PTPRZ1: variants seen among roughly 807,000 people sequenced by gnomAD.
PTPRZ1 encodes receptor-type tyrosine-protein phosphatase zeta.
In PTPRZ1, 82 loss-of-function variants were observed where a neutral mutation model predicts 214.1. The ratio of observed to expected loss-of-function variants is 0.38; its 90% CI spans 0.32 to 0.46. PTPRZ1 has a LOEUF of 0.46. Among genes scored for constraint, PTPRZ1 ranks in the 20% least tolerant of loss-of-function variants. PTPRZ1 has a pLI of 1.00. For missense variants in PTPRZ1, 2,603 were observed against 2,748.7 expected, an observed-to-expected ratio of 0.95 and a Z score of 1.19; for synonymous variants, 945 against 987.9, an observed-to-expected ratio of 0.96 and a Z score of 0.81.
intron 6 of PTPRZ1, among the ~76,000 whole-genome samples, chr7:121,980,716 A>G (rs1359154560): frequency 1.3e-5 from 2 of 152,366 alleles, no homozygotes; most frequent in Non-Finnish European, 2.9e-5. Context: ...ACATTTACTA[A>G]TTTAACTTTT....
rs372818348 is a variant in PTPRZ1 at position 122,061,064 on chromosome 7, A to G, written c.6808-16A>G. 2.8e-5 allele frequency: 44 copies of G among 1,571,596 alleles called. No homozygotes were observed. The highest frequency in any genetic ancestry group is 3.3e-5 in the Non-Finnish European group (38 of 1,158,866). On this transcript the variant is annotated splice_polypyrimidine_tract_variant and intron_variant, in intron 29 of 29. Coordinates refer to ENST00000393386, the MANE Select transcript of PTPRZ1 (RefSeq NM_002851.3). The stretch of plus-strand genomic sequence containing the variant: ...CTGAGCTTCGCATTTATTACCTCCC[A>G]TCTTCTGTTCTCTAGGAGCAGTATC...
intron 8 of PTPRZ1, among the ~76,000 whole-genome samples, chr7:121,988,788 G>A (rs1196505): frequency 0.78 from 119,208 of 152,124 alleles, 47,380 homozygotes; most frequent in South Asian, 0.9. Context: ...AACACAGAAG[G>A]AATGACTGGC....
chr7:121,886,318 C>T (rs1794395548), intron 1 of PTPRZ1, among the ~76,000 whole-genome samples: 1 of 152,052 alleles, frequency 6.6e-6, no homozygotes, highest in African/African-American at 2.4e-5. Flanking sequence ...GATTAATCCT[C>T]ACAGGTTCTT....
At chr7:121,889,685 ACTAT>A (rs1262043286) in intron 1 of PTPRZ1, among the ~76,000 whole-genome samples, 1 of 151,962 alleles carries the variant, frequency 6.6e-6, no homozygotes, top group Non-Finnish European at 1.5e-5. Context: ...TTCTATAGTC[ACTAT>A]CTATTTTCTC....
chr7:121,906,632 G>A (rs1405193213), intron 1 of PTPRZ1, among the ~76,000 whole-genome samples: 1 of 152,120 alleles, frequency 6.6e-6, no homozygotes, highest in Non-Finnish European at 1.5e-5. Flanking sequence ...AATAAGATTT[G>A]TTTGAAGGGG....
chr7:121,926,265 A>G (rs553306177), intron 1 of PTPRZ1, among the ~76,000 whole-genome samples: 3 of 149,512 alleles, frequency 2.0e-5, no homozygotes, highest in African/African-American at 7.5e-5. Context: ...AGATCATGCC[A>G]TTGCACTCCA....
Position 122,034,231 on chromosome 7 carries a change from C to G in PTPRZ1, c.5188-51C>G, listed in dbSNP as rs375064806. 3 of 1,578,304 alleles carry G rather than the reference C, an allele frequency of 1.9e-6. No individual in the cohort carries two copies. The East Asian group carries it at 6.7e-5, about 35-fold the overall frequency. ...GTCTTCGTTATTATATTTTAAGGCA[C>G]GTTGTTTGAAAGAATGTGTGTTAAA... On this transcript the variant is annotated intron_variant, in intron 16 of 29. Coordinates refer to ENST00000393386, the MANE Select transcript of PTPRZ1 (RefSeq NM_002851.3).
intron 2 of PTPRZ1, among the ~76,000 whole-genome samples, chr7:121,940,995 C>A (rs985432293): frequency 6.6e-6 from 1 of 152,172 alleles, no homozygotes; most frequent in African/African-American, 2.4e-5. Flanking sequence ...TCAAGTGAAG[C>A]CTTCTTTCCT....
At chr7:121,874,233 GATATACTTATTCACAGATTTCATTTTTC>G (rs1793983271) in intron 1 of PTPRZ1, among the ~76,000 whole-genome samples, 1 of 152,022 alleles carries the variant, frequency 6.6e-6, no homozygotes, top group African/African-American at 2.4e-5. Context: ...GCTGCAGGTT[GATATACTTATTCACAGATTTCATTTTTC>G]ATCTGCACCC....
At chr7:121,897,567 ACT>A (rs1399412995) in intron 1 of PTPRZ1, among the ~76,000 whole-genome samples, 1 of 152,034 alleles carries the variant, frequency 6.6e-6, no homozygotes, top group Admixed American at 6.6e-5. Flanking sequence ...GTTAGTCTGC[ACT>A]CTCTGTCACT....
intron 2 of PTPRZ1, among the ~76,000 whole-genome samples, chr7:121,962,344 A>G (rs185208774): frequency 6.6e-5 from 10 of 151,572 alleles, no homozygotes; most frequent in African/African-American, 2.4e-4. Flanking sequence ...GCTACTCAGG[A>G]GGCTGAGACA....
intron 3 of PTPRZ1, among the ~76,000 whole-genome samples, chr7:121,968,846 G>A (rs191997439): frequency 6.6e-5 from 10 of 151,936 alleles, no homozygotes; most frequent in Admixed American, 5.2e-4. Context: ...TATAATAGTA[G>A]CTCTATGGGG....
chr7:121,913,107 T>G (rs897378806), intron 1 of PTPRZ1, among the ~76,000 whole-genome samples: 14 of 152,066 alleles, frequency 9.2e-5, no homozygotes, highest in African/African-American at 3.4e-4. Context: ...TATTAAAAAA[T>G]TATTACTCAA....
intron 1 of PTPRZ1, among the ~76,000 whole-genome samples, chr7:121,891,859 G>A (rs1205327367): frequency 6.6e-6 from 1 of 151,978 alleles, no homozygotes; most frequent in Non-Finnish European, 1.5e-5. Context: ...TGTCAAAAGT[G>A]AAGCTGTTTT....
rs1182829851 is a variant in PTPRZ1, at chr7:122,010,396, T to A, written c.1350T>A (p.Ala450=). The A allele has an allele frequency of 1.2e-6, 2 of 1,613,890 alleles. No homozygotes were observed. Among genetic ancestry groups the A allele is most frequent in the Non-Finnish European group, 1.7e-6 (2 of 1,179,956 alleles). Reference sequence around the variant, plus strand: ...TTGTGAATCCTGGTAGAGACAGTGCTACAAACCAAATCAGGAAAAAGGAAC... The same window carrying A: ...TTGTGAATCCTGGTAGAGACAGTGCAACAAACCAAATCAGGAAAAAGGAAC... ...GAIVNPGRDS[A]TNQIRKKEPQ... Residue 450 remains alanine (A), a synonymous_variant, in exon 12 of 30, where the codon GCT becomes GCA. Coordinates refer to ENST00000393386, the MANE Select transcript of PTPRZ1 (RefSeq NM_002851.3).
At chr7:122,034,029 T>C in intron 15 of PTPRZ1, 66 bp from the exon 16 acceptor site, 1 of 1,437,208 alleles carries the variant, frequency 7.0e-7, no homozygotes, top group East Asian at 2.3e-5. Flanking sequence ...AACGCTTTTT[T>C]TTCTCATTTG....
chr7:121,963,339 C>T (rs1320251793), intron 2 of PTPRZ1, among the ~76,000 whole-genome samples: 2 of 152,200 alleles, frequency 1.3e-5, no homozygotes, highest in African/African-American at 4.8e-5. Flanking sequence ...ACTAGGGAGA[C>T]ACCCTTTTAG....
In PTPRZ1 at chr7:121,967,975, G is replaced by T. The variant is rs769086727; in HGVS notation, c.149G>T (p.Gly50Val). The T allele has an allele frequency of 1.9e-6, 3 of 1,583,052 alleles. No homozygotes were observed. In the African/African-American group the frequency reaches 4.1e-5, roughly 21 times the overall value. The change falls in exon 3 of 30, where the codon GGA becomes GTA. Residue 50 changes from glycine (G) to valine (V), a missense_variant. Physicochemically the swap from Gly to Val is moderately radical, Grantham distance 109. This residue lies in a region of PTPRZ1 where 141 missense variants were observed against 143.7 expected (regional missense o/e 0.98). Coordinates refer to ENST00000393386, the MANE Select transcript of PTPRZ1 (RefSeq NM_002851.3). ...YTGALNQKNW[G>V]KKYPTCNSPK... ...GGAGCACTGAATCAAAAAAATTGGG[G>T]AAAGAAATATCCAACATGTAATAGC...
At chr7:122,027,109 C>T (rs949379116) in intron 13 of PTPRZ1, among the ~76,000 whole-genome samples, 5 of 152,174 alleles carry the variant, frequency 3.3e-5, no homozygotes, top group Admixed American at 6.5e-5. Context: ...AGTGAGATAG[C>T]CTGACACTTA....
Sources: allele counts gnomAD v4.1 joint callset (sites outside exome capture counted in the v4.1 genomes callset), GRCh38; gene constraint gnomAD v4.1.1; regional missense constraint gnomAD v4.1.1; transcripts MANE v1.5; gene names NCBI Gene and HGNC (gene_info 2026-07-23, HGNC 2026-07-21).